The following ZBBX variants were observed in gnomAD, a reference collection of about 807,000 sequenced individuals.
The protein encoded by ZBBX is zinc finger B-box domain-containing protein 1.
In ZBBX, 101 loss-of-function variants were observed where a neutral mutation model predicts 108.5. That is an observed-to-expected ratio of 0.93 (90% CI 0.79 to 1.10). The LOEUF is 1.10. Ranked by LOEUF, ZBBX falls within the 50% of genes least tolerant of loss-of-function variation. The pLI, the probability that ZBBX is intolerant of heterozygous loss-of-function variation, is 0.00. For missense variants in ZBBX, 1,009 were observed against 941.4 expected (o/e 1.07, Z -0.94); for synonymous variants, 356 against 323.4 (o/e 1.10, Z -1.08).
intron 18 of ZBBX, among the ~76,000 whole-genome samples, chr3:167,291,367 T>C (rs1576908149): frequency 6.6e-6 from 1 of 151,976 alleles, no homozygotes; most frequent in Middle Eastern, 3.4e-3. Context: ...TCTCAGCAGA[T>C]ACCCTACAAG....
intron 9 of ZBBX, among the ~76,000 whole-genome samples, chr3:167,337,576 A>T (rs1323687342): frequency 6.6e-6 from 1 of 152,166 alleles, no homozygotes; most frequent in African/African-American, 2.4e-5. Flanking sequence ...CAATCTAAAT[A>T]ACTGCCCGTA....
At chr3:167,253,276 G>C (rs114291726) in intron 20 of ZBBX, among the ~76,000 whole-genome samples, 2,124 of 152,098 alleles carry the variant, frequency 0.014, 27 homozygotes, top group South Asian at 0.026. Flanking sequence ...ATGAAGAATA[G>C]GAAAGAGACA....
chr3:167,249,627 C>T (rs907423985), intron 20 of ZBBX, among the ~76,000 whole-genome samples: 6 of 152,180 alleles, frequency 3.9e-5, no homozygotes, highest in Non-Finnish European at 8.8e-5. Context: ...TAAGGGGGAT[C>T]TTGGCAAGTT....
chr3:167,353,706 T>C (rs1020062163), intron 8 of ZBBX, among the ~76,000 whole-genome samples: 1 of 152,010 alleles, frequency 6.6e-6, no homozygotes, highest in Admixed American at 6.6e-5. Flanking sequence ...ATGTTTTATC[T>C]CATTTAATCC....
intron 16 of ZBBX, among the ~76,000 whole-genome samples, chr3:167,310,877 T>C (rs1409179063): frequency 1.3e-5 from 2 of 152,240 alleles, no homozygotes; most frequent in Non-Finnish European, 2.9e-5. Context: ...ATATTCTATG[T>C]TCATGGATGG....
At chr3:167,225,882 T>G in the ZBBX span, among the ~76,000 whole-genome samples, 1 of 151,748 alleles carries the variant, frequency 6.6e-6, no homozygotes, top group Non-Finnish European at 1.5e-5. Context: ...TTGCTTTTCT[T>G]GTTGCCTGAA....
chr3:167,328,180 T>A (rs747512579), intron 10 of ZBBX, 64 bp from the exon 11 acceptor site: 11 of 1,498,782 alleles, frequency 7.3e-6, no homozygotes, highest in Non-Finnish European at 9.8e-6. Flanking sequence ...AAAAATTGTT[T>A]TAATAAAAAA....
chr3:167,302,654 G>A (rs556636888), intron 17 of ZBBX, among the ~76,000 whole-genome samples: 36 of 152,090 alleles, frequency 2.4e-4, no homozygotes, highest in Non-Finnish European at 4.6e-4. Flanking sequence ...TTTATCCTAC[G>A]TGCAAGCCTG....
At chr3:167,230,973 C>T in the ZBBX span, among the ~76,000 whole-genome samples, 2 of 151,730 alleles carry the variant, frequency 1.3e-5, no homozygotes, top group South Asian at 2.1e-4. Flanking sequence ...ATAGAGTTAA[C>T]GAGACTCACT....
At chr3:167,383,526 A>T (rs1281452599), upstream of ZBBX, among the ~76,000 whole-genome samples, 1 of 152,114 alleles carries the variant, frequency 6.6e-6, no homozygotes, top group African/African-American at 2.4e-5. Context: ...TAGAGTTAAG[A>T]GGTGACATTG....
the ZBBX span, among the ~76,000 whole-genome samples, chr3:167,189,348 C>T: frequency 2.6e-5 from 4 of 152,152 alleles, no homozygotes; most frequent in South Asian, 2.1e-4. Context: ...TTACACTCAC[C>T]CCAGTTAATA....
At chr3:167,406,630 T>A (rs1476987346) in intron 1 of ZBBX, among the ~76,000 whole-genome samples, 2 of 152,156 alleles carry the variant, frequency 1.3e-5, no homozygotes, top group Non-Finnish European at 2.9e-5. Context: ...AAAAATAAAA[T>A]AAATTTTAAA....
At chr3:167,300,608 C>G (rs577654681) in intron 17 of ZBBX, among the ~76,000 whole-genome samples, 1 of 149,892 alleles carries the variant, frequency 6.7e-6, no homozygotes, top group African/African-American at 2.5e-5. Flanking sequence ...CCCCACCAAC[C>G]CTTTTTTTTT....
At chr3:167,282,159 G>A in intron 20 of ZBBX, 79 bp downstream of exon 20, 1 of 1,411,014 alleles carries the variant, frequency 7.1e-7, no homozygotes, top group Non-Finnish European at 9.5e-7. Flanking sequence ...GGCTTGTTTT[G>A]TTAGCGCAAG....
At chr3:167,355,353 A>G (rs1743372661) in intron 8 of ZBBX, among the ~76,000 whole-genome samples, 1 of 151,914 alleles carries the variant, frequency 6.6e-6, no homozygotes, top group Admixed American at 6.6e-5. Flanking sequence ...TGAGGTACAG[A>G]TTACTGTTAT....
At chr3:167,391,078 T>A (rs533668956) in intron 1 of ZBBX, among the ~76,000 whole-genome samples, 1 of 152,284 alleles carries the variant, frequency 6.6e-6, no homozygotes, top group African/African-American at 2.4e-5. Flanking sequence ...TCAAAGGGAA[T>A]GCTTCCAGCT....
intron 1 of ZBBX, among the ~76,000 whole-genome samples, chr3:167,405,591 A>T (rs1748556170): frequency 1.3e-5 from 2 of 152,172 alleles, no homozygotes; most frequent in Admixed American, 6.6e-5. Flanking sequence ...AACAATAAAA[A>T]TATGAAGGTG....
At chr3:167,337,984 G>T (rs577144699) in intron 9 of ZBBX, among the ~76,000 whole-genome samples, 1 of 152,204 alleles carries the variant, frequency 6.6e-6, no homozygotes, top group East Asian at 1.9e-4. Context: ...AATAGGAGCA[G>T]GAGGAGACTG....
In ZBBX at chr3:167,327,923, A is replaced by AAG. The variant is rs751848204; in HGVS notation, c.862+18_862+19insCT. 5 of 1,539,062 alleles carry AAG rather than the reference A, an allele frequency of 3.2e-6. No homozygotes were observed. The East Asian group carries it at 6.9e-5, about 21-fold the overall frequency. Reference sequence around the variant, plus strand: ...AGTGAGACTCTGTCTCAAAAAAAAAAAAAAAAAAAAAGCCATACCTTTTAC... The same window carrying AAG: ...AGTGAGACTCTGTCTCAAAAAAAAAAAGAAAAAAAAAAAGCCATACCTTTTAC... On this transcript the variant is annotated intron_variant, in intron 11 of 21. Transcript: ENST00000675490.
Sources: gnomAD v4.1 joint callset for allele counts (sites outside exome capture counted in the v4.1 genomes callset) on GRCh38, gnomAD v4.1.1 for gene constraint, MANE v1.5 for transcripts, NCBI Gene and HGNC (gene_info 2026-07-23, HGNC 2026-07-21) for gene names.